The following VWC2L variants were observed in gnomAD, a reference collection of about 807,000 sequenced individuals.
VWC2L encodes the protein von Willebrand factor C domain-containing protein 2-like.
VWC2L carries 10 observed loss-of-function variants against 21.6 expected under a neutral mutation model. The ratio of observed to expected loss-of-function variants is 0.46; its 90% confidence interval spans 0.29 to 0.78. The LOEUF (loss-of-function observed/expected upper bound fraction) is 0.78, where lower values mean the gene tolerates loss of function less well. VWC2L is among the 30% of genes least tolerant of loss of function. VWC2L has a pLI of 0.10. For synonymous variants in VWC2L, 96 were observed against 94.3 expected (o/e 1.02, Z -0.10); for missense variants, 209 against 277.1 (o/e 0.75, Z 1.74).
intron 3 of VWC2L, among the ~76,000 whole-genome samples, chr2:214,557,598 C>A (rs1253683457): frequency 3.3e-5 from 5 of 152,192 alleles, no homozygotes; most frequent in Non-Finnish European, 5.9e-5. Context: ...TATTAGGCGT[C>A]CCCAGTCAGC....
At chr2:214,512,237 A>G (rs928668555) in intron 3 of VWC2L, among the ~76,000 whole-genome samples, 1 of 152,170 alleles carries the variant, frequency 6.6e-6, no homozygotes, top group Admixed American at 6.5e-5. Flanking sequence ...TCATTTGCCA[A>G]GTTCACTGTA....
intron 2 of VWC2L, among the ~76,000 whole-genome samples, chr2:214,422,872 G>A (rs1425425094): frequency 6.6e-6 from 1 of 152,118 alleles, no homozygotes; most frequent in Non-Finnish European, 1.5e-5. Flanking sequence ...GTTGTCTACA[G>A]GGTATAAACA....
chr2:214,559,615 ATT>A (rs148202293), intron 3 of VWC2L, among the ~76,000 whole-genome samples: 7,355 of 142,334 alleles, frequency 0.052, 604 homozygotes, highest in African/African-American at 0.17. Flanking sequence ...TTCTTTTTTC[ATT>A]TTTTTTTTTT....
chr2:214,460,491 T>TGC lies in VWC2L; in HGVS notation c.520+23734_520+23735dup, dbSNP rs1330662196. On this transcript the variant is annotated intron_variant, in intron 3 of 3. Coordinates refer to ENST00000312504, the MANE Select transcript of VWC2L (RefSeq NM_001080500.4). ...GATTTTGTGTGTGTTTGTGTGTGTG[T>TGC]GCCTGTGTTATTTTAAAAGACCTGT... is the stretch of plus-strand genomic sequence containing the variant. Among the ~76,000 whole-genome samples the TGC allele has an allele frequency of 2.6e-5, 4 of 152,312 alleles. No homozygotes were observed. In the South Asian group the frequency reaches 8.3e-4, roughly 32 times the overall value.
chr2:214,449,897 G>A (rs1471734147), intron 3 of VWC2L, among the ~76,000 whole-genome samples: 1 of 152,140 alleles, frequency 6.6e-6, no homozygotes, highest in Non-Finnish European at 1.5e-5. Flanking sequence ...ACTTTCATAT[G>A]TTTTGCAGAA....
At chr2:214,429,357 C>T (rs1052171966) in intron 2 of VWC2L, among the ~76,000 whole-genome samples, 8 of 152,180 alleles carry the variant, frequency 5.3e-5, no homozygotes, top group Admixed American at 6.5e-5. Flanking sequence ...GGACTAAGGA[C>T]GGCTGCTTTT....
chr2:214,458,569 G>A (rs866696672), intron 3 of VWC2L, among the ~76,000 whole-genome samples: 12 of 152,078 alleles, frequency 7.9e-5, no homozygotes, highest in South Asian at 6.2e-4. Context: ...GGTGGTTATT[G>A]CTATAAATGA....
chr2:214,478,901 C>T (rs182755491), intron 3 of VWC2L, among the ~76,000 whole-genome samples: 4 of 152,322 alleles, frequency 2.6e-5, no homozygotes, highest in Non-Finnish European at 5.9e-5. Flanking sequence ...TGCTCTGCTT[C>T]CCAGATGCAG....
rs1443541268 is a variant in VWC2L, at chr2:214,519,725, T to C, written c.521-55947T>C. Among the ~76,000 whole-genome samples, 4 of 152,170 alleles carry C rather than the reference T, an allele frequency of 2.6e-5. No individual in the cohort carries two copies. In the South Asian group the frequency reaches 6.2e-4, roughly 24 times the overall value. On this transcript the variant is annotated intron_variant, in intron 3 of 3. Transcript: ENST00000312504. Reference sequence around the variant, plus strand: ...GTTTCTTTCCACTGGTCTATGGTGATGGTCCCATTTTCTCCCCATAGCTTG... The same window carrying C: ...GTTTCTTTCCACTGGTCTATGGTGACGGTCCCATTTTCTCCCCATAGCTTG...
chr2:214,452,728 ACCT>A (rs1253226268), intron 3 of VWC2L, among the ~76,000 whole-genome samples: 1 of 152,024 alleles, frequency 6.6e-6, no homozygotes, highest in Non-Finnish European at 1.5e-5. Context: ...CAGTTTCTCC[ACCT>A]CCTCACCAAT....
intron 3 of VWC2L, among the ~76,000 whole-genome samples, chr2:214,529,477 C>G (rs1689398022): frequency 1.3e-5 from 2 of 152,152 alleles, no homozygotes; most frequent in Admixed American, 6.5e-5. Context: ...AACTCAATGA[C>G]CAAACTCTGT....
At chr2:214,510,602 C>G (rs1689037523) in intron 3 of VWC2L, among the ~76,000 whole-genome samples, 1 of 152,156 alleles carries the variant, frequency 6.6e-6, no homozygotes, top group African/African-American at 2.4e-5. Flanking sequence ...AATCTAATAT[C>G]AAATACTGAA....
chr2:214,470,712 C>G (rs1267953030), intron 3 of VWC2L, among the ~76,000 whole-genome samples: 2 of 151,766 alleles, frequency 1.3e-5, no homozygotes, highest in Non-Finnish European at 2.9e-5. Context: ...AGTCCGAGAC[C>G]TGCCTGGCCA....
rs551039578 is a variant in VWC2L, at chr2:214,414,045, C to T, written c.-80-69C>T. On this transcript the variant is annotated intron_variant, in intron 1 of 3. Transcript: ENST00000312504. ...AAATTGATCCCAAACAGTTTAAGAG[C>T]GTGGGCTTAAATGAATCTATCTTCA... is the stretch of plus-strand genomic sequence containing the variant. 1.5e-4 allele frequency: 130 copies of T among 858,992 alleles called. 5 individuals are homozygous for T. The South Asian group carries it at 2.1e-3, about 14-fold the overall frequency. 53.2% of individuals were successfully genotyped at this position (858,992 alleles called of 1,614,324 possible).
chr2:214,478,816 C>T (rs1419050826), intron 3 of VWC2L, among the ~76,000 whole-genome samples: 2 of 152,202 alleles, frequency 1.3e-5, no homozygotes, highest in African/African-American at 4.8e-5. Context: ...CTGCCATTTA[C>T]TTGCCCTCAT....
intron 3 of VWC2L, among the ~76,000 whole-genome samples, chr2:214,553,454 T>C (rs531970749): frequency 6.6e-6 from 1 of 152,296 alleles, no homozygotes; most frequent in South Asian, 2.1e-4. Context: ...TTCCCGGTCA[T>C]AGGCAGATTC....
At chr2:214,424,774 T>A (rs564468168) in intron 2 of VWC2L, among the ~76,000 whole-genome samples, 2 of 152,346 alleles carry the variant, frequency 1.3e-5, no homozygotes, top group African/African-American at 4.8e-5. Flanking sequence ...TTGACTTTTA[T>A]GAGCAGTTAA....
chr2:214,449,730 A>G (rs557214921), intron 3 of VWC2L, among the ~76,000 whole-genome samples: 1 of 152,156 alleles, frequency 6.6e-6, no homozygotes, highest in Non-Finnish European at 1.5e-5. Flanking sequence ...ATACCCCTCA[A>G]TTGAGAAAGG....
intron 3 of VWC2L, among the ~76,000 whole-genome samples, chr2:214,511,873 T>TTA (rs1412466407): frequency 4.9e-5 from 3 of 61,624 alleles, no homozygotes; most frequent in African/African-American, 1.1e-4. Flanking sequence ...TATATATACT[T>TTA]TATATATATA....
Sources: gnomAD v4.1 joint callset for allele counts (sites outside exome capture counted in the v4.1 genomes callset) on GRCh38, gnomAD v4.1.1 for gene constraint, MANE v1.5 for transcripts, NCBI Gene and HGNC (gene_info 2026-07-23, HGNC 2026-07-21) for gene names.